PGCKA1: variants seen among roughly 807,000 people sequenced by gnomAD.
PGCKA1 encodes PDCD10 and GCKIII kinases associated 1.
the PGCKA1 span, among the ~76,000 whole-genome samples, chr4:37,510,601 A>G: frequency 0.41 from 61,888 of 151,250 alleles, 13,267 homozygotes; most frequent in African/African-American, 0.53. Flanking sequence ...GGAGCTGAAG[A>G]TGGTGTGACA....
the PGCKA1 span, among the ~76,000 whole-genome samples, chr4:37,538,022 A>G: frequency 1.3e-5 from 2 of 151,710 alleles, no homozygotes; most frequent in Admixed American, 6.6e-5. Flanking sequence ...CACCACTTCC[A>G]CTGTCACCAC....
At chr4:37,473,556 A>T in the PGCKA1 span, among the ~76,000 whole-genome samples, 2 of 152,230 alleles carry the variant, frequency 1.3e-5, no homozygotes, top group South Asian at 4.1e-4. Flanking sequence ...TTTATAGTTG[A>T]TCTCAATTCA....
chr4:37,518,218 A>G, the PGCKA1 span, among the ~76,000 whole-genome samples: 1 of 152,226 alleles, frequency 6.6e-6, no homozygotes, highest in African/African-American at 2.4e-5. Flanking sequence ...TATTGTAAAC[A>G]GTGCTGCAAC....
At chr4:37,507,546 A>T in the PGCKA1 span, among the ~76,000 whole-genome samples, 34 of 152,310 alleles carry the variant, frequency 2.2e-4, 1 homozygote, top group South Asian at 5.2e-3. Flanking sequence ...TAACAAAAAG[A>T]AAAGTAACCC....
the PGCKA1 span, chr4:37,454,028 C>T: frequency 6.2e-6 from 1 of 160,450 alleles, no homozygotes. Context: ...CCGCCGCCGC[C>T]GTCTGGCCCC....
the PGCKA1 span, chr4:37,588,851 A>C: frequency 6.2e-7 from 1 of 1,610,556 alleles, no homozygotes; most frequent in Non-Finnish European, 8.5e-7. Flanking sequence ...TCCAGGTGGT[A>C]ACAGAAAACA....
the PGCKA1 span, among the ~76,000 whole-genome samples, chr4:37,512,225 T>C: frequency 1.3e-5 from 2 of 151,436 alleles, no homozygotes; most frequent in Non-Finnish European, 1.5e-5. Context: ...CCTATGATGG[T>C]GTTCCCTTTG....
chr4:37,552,067 G>A, the PGCKA1 span, among the ~76,000 whole-genome samples: 4 of 152,220 alleles, frequency 2.6e-5, no homozygotes, highest in Non-Finnish European at 5.9e-5. Flanking sequence ...ACAAGGAAGT[G>A]AAATCAAAGA....
the PGCKA1 span, among the ~76,000 whole-genome samples, chr4:37,527,042 C>G: frequency 4.1e-3 from 627 of 151,776 alleles, 5 homozygotes; most frequent in African/African-American, 0.015. Context: ...CGTGCGTAGG[C>G]CTAAGCTAAT....
At chr4:37,579,149 C>A in the PGCKA1 span, among the ~76,000 whole-genome samples, 1,986 of 152,066 alleles carry the variant, frequency 0.013, 101 homozygotes, top group South Asian at 0.13. Flanking sequence ...AAACCAAAAA[C>A]AAAAAAACAA....
chr4:37,483,949 C>G, the PGCKA1 span, among the ~76,000 whole-genome samples: 1 of 152,144 alleles, frequency 6.6e-6, no homozygotes, highest in African/African-American at 2.4e-5. Context: ...GTTTCTTTTC[C>G]TGGGAGGATG....
the PGCKA1 span, among the ~76,000 whole-genome samples, chr4:37,583,438 TTTG>T: frequency 7.4e-6 from 1 of 135,346 alleles, no homozygotes; most frequent in Non-Finnish European, 1.5e-5. Flanking sequence ...TGTTTTTGTT[TTTG>T]TTTTTTTTTT....
the PGCKA1 span, among the ~76,000 whole-genome samples, chr4:37,475,585 T>G: frequency 2.6e-5 from 4 of 152,194 alleles, no homozygotes; most frequent in Non-Finnish European, 5.9e-5. Context: ...TTGTCTAGTT[T>G]CTCTTCAGGA....
At chr4:37,584,835 C>T in the PGCKA1 span, among the ~76,000 whole-genome samples, 2 of 151,952 alleles carry the variant, frequency 1.3e-5, no homozygotes, top group Non-Finnish European at 2.9e-5. Flanking sequence ...CTTTTCTTTC[C>T]TCCTTTCTTT....
the PGCKA1 span, among the ~76,000 whole-genome samples, chr4:37,457,776 CACAT>C: frequency 6.6e-6 from 1 of 152,304 alleles, no homozygotes; most frequent in East Asian, 1.9e-4. Flanking sequence ...TGTTAAGAGT[CACAT>C]ACTTAAGATT....
chr4:37,592,353 G>GA, the PGCKA1 span, among the ~76,000 whole-genome samples: 70,508 of 107,804 alleles, frequency 0.65, 20,824 homozygotes, highest in Admixed American at 0.68. Flanking sequence ...CCATCTCTAT[G>GA]AAAAAAAAAA....
At chr4:37,494,965 A>G in the PGCKA1 span, among the ~76,000 whole-genome samples, 1 of 152,040 alleles carries the variant, frequency 6.6e-6, no homozygotes, top group South Asian at 2.1e-4. Flanking sequence ...AATGGGAGAA[A>G]ATTTTTGCAA....
chr4:37,515,010 T>C, the PGCKA1 span, among the ~76,000 whole-genome samples: 1 of 152,346 alleles, frequency 6.6e-6, no homozygotes, highest in Non-Finnish European at 1.5e-5. Flanking sequence ...ACTTTTGCCA[T>C]TGTTATGGAC....
chr4:37,577,073 G>A, the PGCKA1 span, among the ~76,000 whole-genome samples: 1 of 152,114 alleles, frequency 6.6e-6, no homozygotes, highest in East Asian at 1.9e-4. Flanking sequence ...GTCTGGTTTT[G>A]GTATCAGGGT....
Sources: gnomAD v4.1 joint callset for allele counts (sites outside exome capture counted in the v4.1 genomes callset) on GRCh38, gnomAD v4.1.1 for gene constraint, MANE v1.5 for transcripts, NCBI Gene and HGNC (gene_info 2026-07-23, HGNC 2026-07-21) for gene names.